The following SYT1 variants were observed in gnomAD, a reference collection of about 807,000 sequenced individuals.
SYT1 encodes the protein synaptotagmin 1.
A neutral mutation model predicts 44.8 loss-of-function variants in SYT1; 8 were observed. The ratio of observed to expected loss-of-function variants is 0.18; its 90% confidence interval spans 0.10 to 0.32. The LOEUF (loss-of-function observed/expected upper bound fraction) is 0.32. Among genes scored for constraint, SYT1 ranks in the 10% least tolerant of loss-of-function variants. The probability of loss-of-function intolerance (pLI) is 1.00; values close to 1 mark genes in which losing one functional copy is unlikely to be tolerated. For missense variants in SYT1, 286 were observed against 509.3 expected (o/e 0.56, Z 4.22); for synonymous variants, 154 against 188.8 (o/e 0.82, Z 1.51).
intron 1 of SYT1, among the ~76,000 whole-genome samples, chr12:78,898,121 T>C (rs1214499704): frequency 6.6e-6 from 1 of 152,024 alleles, no homozygotes; most frequent in African/African-American, 2.4e-5. Flanking sequence ...TATTTGCCCT[T>C]GCTACATAAT....
intron 2 of SYT1, among the ~76,000 whole-genome samples, chr12:79,006,683 A>G (rs1421705410): frequency 6.6e-6 from 1 of 151,994 alleles, no homozygotes; most frequent in African/African-American, 2.4e-5. Context: ...TAGGATCGTT[A>G]GATATTTGTG....
At chr12:79,119,769 G>T (rs2138127526) in intron 3 of SYT1, among the ~76,000 whole-genome samples, 1 of 152,140 alleles carries the variant, frequency 6.6e-6, no homozygotes, top group South Asian at 2.1e-4. Flanking sequence ...CATTTTGGAA[G>T]ATTCCTTTAC....
intron 3 of SYT1, among the ~76,000 whole-genome samples, chr12:79,125,398 C>A (rs1451562223): frequency 1.3e-5 from 2 of 149,448 alleles, no homozygotes; most frequent in African/African-American, 5.0e-5. Context: ...ATCACTTTAA[C>A]CCAGGAGTTC....
intron 4 of SYT1, among the ~76,000 whole-genome samples, chr12:79,234,143 C>G (rs561695907): frequency 6.6e-6 from 1 of 152,304 alleles, no homozygotes; most frequent in South Asian, 2.1e-4. Context: ...TGGGTACTCT[C>G]CAAGCCTCTG....
chr12:79,056,417 C>G (rs889804247), intron 3 of SYT1, among the ~76,000 whole-genome samples: 2 of 152,032 alleles, frequency 1.3e-5, no homozygotes, highest in Non-Finnish European at 2.9e-5. Context: ...ATCTCAATAG[C>G]ATGACTCACT....
At chr12:79,245,344 G>C (rs922484283) in intron 4 of SYT1, among the ~76,000 whole-genome samples, 2 of 149,566 alleles carry the variant, frequency 1.3e-5, no homozygotes, top group Non-Finnish European at 3.0e-5. Flanking sequence ...GCATGTTAGC[G>C]GGCGCCTGTA....
intron 3 of SYT1, among the ~76,000 whole-genome samples, chr12:79,076,792 A>G (rs554743135): frequency 2.6e-5 from 4 of 152,130 alleles, no homozygotes; most frequent in Admixed American, 6.5e-5. Flanking sequence ...AACGTGGTGA[A>G]ACCCCCTGTC....
chr12:79,229,003 G>C (rs922200685), intron 4 of SYT1, among the ~76,000 whole-genome samples: 3 of 152,122 alleles, frequency 2.0e-5, no homozygotes, highest in Admixed American at 6.5e-5. Context: ...TCACTGTTTT[G>C]GTTACCTGGG....
intron 3 of SYT1, among the ~76,000 whole-genome samples, chr12:79,209,229 A>C (rs1874299834): frequency 6.6e-6 from 1 of 152,196 alleles, no homozygotes; most frequent in Admixed American, 6.5e-5. Context: ...AAACATCTGC[A>C]AACTTATGGA....
intron 3 of SYT1, among the ~76,000 whole-genome samples, chr12:79,201,882 T>A (rs557075630): frequency 1.3e-5 from 2 of 152,298 alleles, no homozygotes; most frequent in East Asian, 3.9e-4. Flanking sequence ...ATAAGCACTT[T>A]AGATCATGTT....
intron 2 of SYT1, among the ~76,000 whole-genome samples, chr12:78,981,537 G>A (rs147335318): frequency 9.8e-4 from 150 of 152,306 alleles, no homozygotes; most frequent in African/African-American, 3.5e-3. Flanking sequence ...TGCTAACTCA[G>A]TGAGTGCCAA....
intron 2 of SYT1, among the ~76,000 whole-genome samples, chr12:79,026,046 C>A (rs1277751441): frequency 6.6e-6 from 1 of 151,586 alleles, no homozygotes; most frequent in African/African-American, 2.4e-5. Flanking sequence ...TATGATAAAG[C>A]ATTGTGTTTA....
intron 1 of SYT1, among the ~76,000 whole-genome samples, chr12:78,873,932 G>T (rs1003043596): frequency 2.0e-5 from 3 of 151,636 alleles, no homozygotes; most frequent in African/African-American, 4.8e-5. Context: ...TAATATAAGT[G>T]TGTTTGTAGC....
At chr12:79,016,875 T>C (rs537111547) in intron 2 of SYT1, among the ~76,000 whole-genome samples, 2 of 152,218 alleles carry the variant, frequency 1.3e-5, no homozygotes, top group South Asian at 4.1e-4. Context: ...TGTAGTTTGA[T>C]GGATGAAGGC....
At position 79,172,969 on chromosome 12, in the gene SYT1, CAAAAAAAAAAAAAAAAAA is replaced by C. The variant is rs200575966; in HGVS notation, c.-17-44514_-17-44497del. Among the ~76,000 whole-genome samples, 73 of 15,726 alleles carry C rather than the reference CAAAAAAAAAAAAAAAAAA, an allele frequency of 4.6e-3. No individual in the cohort carries two copies. The South Asian group carries it at 0.082, about 18-fold the overall frequency. 10.3% of individuals were successfully genotyped at this position (15,726 alleles called of 152,430 possible). The stretch of plus-strand genomic sequence containing the variant: ...TTCAGGTTACTAGAGTTCCTGCTCT[CAAAAAAAAAAAAAAAAAA>C]AAAAAAAAAAAAAAAAAAAGGGAGT... On this transcript the variant is annotated intron_variant, in intron 3 of 10. Transcript: ENST00000261205.
At chr12:79,296,652 C>A (rs1879888537) in intron 7 of SYT1, among the ~76,000 whole-genome samples, 2 of 152,196 alleles carry the variant, frequency 1.3e-5, no homozygotes, top group African/African-American at 4.8e-5. Flanking sequence ...ACTCTTGTAA[C>A]AAAATTGTGT....
At chr12:79,052,218 T>A (rs1163108420) in intron 3 of SYT1, among the ~76,000 whole-genome samples, 4 of 152,082 alleles carry the variant, frequency 2.6e-5, no homozygotes, top group Non-Finnish European at 5.9e-5. Flanking sequence ...CAGTGGTTTG[T>A]AGTTCTCCTT....
intron 9 of SYT1, among the ~76,000 whole-genome samples, chr12:79,397,894 C>T (rs1306889095): frequency 6.6e-6 from 1 of 152,138 alleles, no homozygotes; most frequent in Non-Finnish European, 1.5e-5. Context: ...ACTGTAAATT[C>T]CATATCACTA....
intron 8 of SYT1, among the ~76,000 whole-genome samples, chr12:79,315,035 G>A (rs760007964): frequency 2.6e-5 from 4 of 152,128 alleles, no homozygotes; most frequent in Non-Finnish European, 5.9e-5. Context: ...CTTTTGGAGT[G>A]ATGAAAATCT....
Sources: gnomAD v4.1 joint callset for allele counts (sites outside exome capture counted in the v4.1 genomes callset) on GRCh38, gnomAD v4.1.1 for gene constraint, MANE v1.5 for transcripts, NCBI Gene and HGNC (gene_info 2026-07-23, HGNC 2026-07-21) for gene names.